The following ZC3HAV1 variants were observed in gnomAD, a reference collection of about 807,000 sequenced individuals.
ZC3HAV1 encodes the protein zinc finger CCCH-type antiviral protein 1.
A neutral mutation model predicts 86.6 loss-of-function variants in ZC3HAV1; 41 were observed. The ratio of observed to expected loss-of-function variants is 0.47; its 90% confidence interval spans 0.37 to 0.61. The LOEUF (loss-of-function observed/expected upper bound fraction) is 0.61, where lower values mean the gene tolerates loss of function less well. Among genes scored for constraint, ZC3HAV1 ranks in the 20% least tolerant of loss-of-function variants. The pLI is 0.00. For synonymous variants in ZC3HAV1, 421 were observed against 432.1 expected (o/e 0.97, Z 0.32); for missense variants, 964 against 1,141.1 (o/e 0.84, Z 2.24).
In ZC3HAV1 at chr7:139,080,262, A is replaced by G; in HGVS notation, c.698-19T>C. ...GAAGGAGCTAAGGGGAAAAAAAGCC[A>G]AAATGAAACAAAATAATGAACATTG... On this transcript the variant is annotated intron_variant, in intron 3 of 12. Transcript: ENST00000242351. 4 of 1,613,746 alleles carry G rather than the reference A, an allele frequency of 2.5e-6. No individual in the cohort carries two copies. The highest frequency in any genetic ancestry group is 3.4e-6 in the Non-Finnish European group (4 of 1,179,848).
At chr7:139,085,843 T>G (rs1817259052) in intron 2 of ZC3HAV1, among the ~76,000 whole-genome samples, 1 of 151,966 alleles carries the variant, frequency 6.6e-6, no homozygotes, top group Non-Finnish European at 1.5e-5. Flanking sequence ...TGAAACCCCA[T>G]CTCTACGAAA....
intron 7 of ZC3HAV1, among the ~76,000 whole-genome samples, chr7:139,066,603 G>T (rs536528359): frequency 6.6e-6 from 1 of 152,112 alleles, no homozygotes; most frequent in Non-Finnish European, 1.5e-5. Flanking sequence ...CAGCTTTGTG[G>T]ATAGTATCTA....
intron 1 of ZC3HAV1, among the ~76,000 whole-genome samples, chr7:139,105,399 G>A (rs1817906490): frequency 6.6e-6 from 1 of 152,162 alleles, no homozygotes; most frequent in Non-Finnish European, 1.5e-5. Context: ...TCTCCAAAGT[G>A]CTTATCATAG....
intron 1 of ZC3HAV1, among the ~76,000 whole-genome samples, chr7:139,101,645 T>C (rs1269160238): frequency 2.0e-5 from 3 of 149,612 alleles, no homozygotes; most frequent in Non-Finnish European, 4.4e-5. Flanking sequence ...ATGGGAGACT[T>C]CATTTTGTTC....
chr7:139,067,137 T>C (rs905537722), intron 7 of ZC3HAV1, among the ~76,000 whole-genome samples: 2 of 151,990 alleles, frequency 1.3e-5, no homozygotes, highest in African/African-American at 4.8e-5. Flanking sequence ...CAAAATTTCT[T>C]TCTTTCTTTC....
rs140395760 is a variant in ZC3HAV1 at position 139,073,998 on chromosome 7, C to T, written c.1730G>A (p.Arg577Gln). The T allele has an allele frequency of 1.5e-4, 249 of 1,613,002 alleles. 1 individual carries two copies. The highest frequency in any genetic ancestry group is 1.1e-3 in the Admixed American group (64 of 59,960). Residue 577 changes from arginine to glutamine, a missense_variant, in exon 7 of 13, where the codon CGG (arginine) becomes CAG (glutamine). By Grantham distance (43) the Arg-to-Gln change is conservative. Transcript: ENST00000242351. ...CSVGSYTINF[R>Q]VMSCDSFPIR... ...GGGAAAGGAATCACAACTCATTACC[C>T]GAAAATTGATTGTATAACTTCCTAC...
At chr7:139,105,788 A>G (rs1277448936) in intron 1 of ZC3HAV1, among the ~76,000 whole-genome samples, 1 of 152,234 alleles carries the variant, frequency 6.6e-6, no homozygotes, top group East Asian at 1.9e-4. Context: ...CTGGTAATCT[A>G]CAAAGAAAGT....
At chr7:139,063,027 CAAAAAAAAAAA>C (rs58859916) in intron 8 of ZC3HAV1, among the ~76,000 whole-genome samples, 1 of 68,102 alleles carries the variant, frequency 1.5e-5, no homozygotes, top group Non-Finnish European at 2.8e-5. Context: ...GACTCTGTCT[CAAAAAAAAAAA>C]AAAAAAAAAA....
At chr7:139,057,201 T>G (rs1251733955) in intron 9 of ZC3HAV1, among the ~76,000 whole-genome samples, 1 of 151,952 alleles carries the variant, frequency 6.6e-6, no homozygotes, top group Non-Finnish European at 1.5e-5. Context: ...AGAAACATTT[T>G]TTTTAAATTA....
chr7:139,052,606 C>CA (rs35386659), intron 12 of ZC3HAV1, among the ~76,000 whole-genome samples: 2,960 of 63,760 alleles, frequency 0.046, 29 homozygotes, highest in East Asian at 0.091. Context: ...ACTCTGTCTC[C>CA]AAAAAAAAAA....
intron 1 of ZC3HAV1, among the ~76,000 whole-genome samples, chr7:139,096,693 T>A (rs1817597917): frequency 6.6e-6 from 1 of 152,170 alleles, no homozygotes; most frequent in African/African-American, 2.4e-5. Flanking sequence ...AACTAAAAAA[T>A]TCATTTCTTT....
At position 139,083,847 on chromosome 7, in the gene ZC3HAV1, G is replaced by A. The variant is rs149165464; in HGVS notation, c.630C>T (p.Asp210=). 7.0e-5 allele frequency: 113 copies of A among 1,613,822 alleles called. No homozygotes were observed. The highest frequency in any genetic ancestry group is 1.2e-4 in the African/African-American group (9 of 74,822). The change falls in exon 3 of 13, where the codon GAC becomes GAT. Residue 210 remains aspartate, a synonymous_variant. Transcript: ENST00000242351. The part of the protein sequence containing the change: ...AIMREHGLNP[D]VVQNIQDICN... Reference sequence around the variant, plus strand: ...AGATGTCCTGGATGTTCTGGACCACGTCGGGGTTCAGCCCGTGCTCCCTCA... The same window carrying A: ...AGATGTCCTGGATGTTCTGGACCACATCGGGGTTCAGCCCGTGCTCCCTCA...
rs1217690203 is a variant in ZC3HAV1, at chr7:139,047,010, G to A, written c.*584C>T. The A allele has an allele frequency of 1.3e-5, 2 of 152,980 alleles. No homozygotes were observed. Among genetic ancestry groups the A allele is most frequent in the African/African-American group, 2.4e-5 (1 of 41,442 alleles). The allele number at this position is 152,980 out of a possible 1,614,324, so 9.5% of individuals were successfully genotyped here. ...ACAAGGTAAACTTTCCAACACATTG[G>A]AATCATCAGAAGGGCTTTAAAAAAT... On this transcript the variant is annotated 3_prime_UTR_variant, in exon 13 of 13. Coordinates refer to ENST00000242351, the MANE Select transcript of ZC3HAV1 (RefSeq NM_020119.4).
intron 9 of ZC3HAV1, among the ~76,000 whole-genome samples, chr7:139,058,911 A>G (rs1019357545): frequency 2.0e-5 from 3 of 152,180 alleles, no homozygotes; most frequent in Non-Finnish European, 4.4e-5. Flanking sequence ...TGCTTTCCAC[A>G]GTTCCTGCTG....
At chr7:139,064,772 A>C (rs1816547858) in intron 8 of ZC3HAV1, 107 bp downstream of exon 8, 1 of 1,559,054 alleles carries the variant, frequency 6.4e-7, no homozygotes, top group Non-Finnish European at 8.7e-7. Flanking sequence ...CTAAATCTTG[A>C]CCTTGACCCT....
chr7:139,094,236 A>C (rs2130725534), intron 1 of ZC3HAV1, among the ~76,000 whole-genome samples: 1 of 152,178 alleles, frequency 6.6e-6, no homozygotes, highest in Admixed American at 6.5e-5. Flanking sequence ...GGAGGCCAAG[A>C]ATTTGCATGT....
intron 1 of ZC3HAV1, among the ~76,000 whole-genome samples, chr7:139,101,972 C>T (rs941624886): frequency 6.6e-6 from 1 of 151,340 alleles, no homozygotes; most frequent in South Asian, 2.1e-4. Context: ...CTGCTAAATC[C>T]CCCTCTGTGA....
intron 1 of ZC3HAV1, among the ~76,000 whole-genome samples, chr7:139,103,202 A>G (rs955386838): frequency 1.3e-5 from 2 of 150,248 alleles, no homozygotes; most frequent in Non-Finnish European, 3.0e-5. Context: ...CACCACGCCC[A>G]GCTAATATTT....
At chr7:139,071,625 T>C (rs1372255487) in intron 7 of ZC3HAV1, among the ~76,000 whole-genome samples, 1 of 152,206 alleles carries the variant, frequency 6.6e-6, no homozygotes, top group African/African-American at 2.4e-5. Context: ...ACAAAGAATC[T>C]GTGCAAAGTT....
Sources: allele counts gnomAD v4.1 joint callset (sites outside exome capture counted in the v4.1 genomes callset), GRCh38; gene constraint gnomAD v4.1.1; transcripts MANE v1.5; gene names NCBI Gene and HGNC (gene_info 2026-07-23, HGNC 2026-07-21).